DMD: variants seen among roughly 807,000 people sequenced by gnomAD.
DMD encodes dystrophin.
In DMD, 63 loss-of-function variants were observed where a neutral mutation model predicts 330.1. The ratio of observed to expected loss-of-function variants is 0.19; its 90% confidence interval spans 0.16 to 0.24. The LOEUF (loss-of-function observed/expected upper bound fraction) is 0.24, where lower values mean the gene tolerates loss of function less well. Ranked by LOEUF, DMD falls within the 10% of genes least tolerant of loss-of-function variation. The pLI, the probability that DMD is intolerant of heterozygous loss-of-function variation, is 1.00. For missense variants in DMD, 3,344 were observed against 2,684.1 expected, an observed-to-expected ratio of 1.25 and a Z score of -5.43; for synonymous variants, 1,223 against 959.8, an observed-to-expected ratio of 1.27 and a Z score of -5.07.
At position 31,159,330 on chromosome X, in the gene DMD, A is replaced by G. The variant is rs189896454; in HGVS notation, c.10553+10113T>C. Among the ~76,000 whole-genome samples the G allele has an allele frequency of 6.5e-4, 73 of 111,920 alleles. 1 individual carries two copies. The highest frequency in any genetic ancestry group is 4.8e-3 in the Admixed American group (51 of 10,560). On this transcript the variant is annotated intron_variant, in intron 74 of 78. Transcript: ENST00000357033. The stretch of plus-strand genomic sequence containing the variant: ...TATCGCCTTGATTTACCAGGAAATT[A>G]CAGGAAAAGAATCATATGGATTTAC...
intron 44 of DMD, among the ~76,000 whole-genome samples, chrX:32,023,629 C>A (rs2147168374): frequency 9.0e-6 from 1 of 111,515 alleles, no homozygotes; most frequent in African/African-American, 3.3e-5. Flanking sequence ...TTTGAATATA[C>A]CAAAAAGTAC....
chrX:32,645,140 G>C lies in DMD; in HGVS notation c.973C>G (p.Pro325Ala). 8.3e-7 allele frequency: 1 copy of C among 1,211,246 alleles called. No homozygotes were observed. Among genetic ancestry groups the C allele is most frequent in the Non-Finnish European group, 1.1e-6 (1 of 895,289 alleles). Reference protein sequence around the residue: ...SPFPSQHLEAPEDKSFGSSLM... With the variant: ...SPFPSQHLEAAEDKSFGSSLM... Reference sequence around the variant, plus strand: ...GAACTGCCAAATGACTTGTCTTCAGGAGCTTCCAAATGCTGCACAATAAAA... The same window carrying C: ...GAACTGCCAAATGACTTGTCTTCAGCAGCTTCCAAATGCTGCACAATAAAA... Residue 325 changes from proline to alanine, a missense_variant, in exon 10 of 79, where the codon CCT becomes GCT. Physicochemically the swap from Pro to Ala is conservative, Grantham distance 27. Transcript: ENST00000357033.
chrX:31,498,090 T>C lies in DMD; in HGVS notation c.8391-1146A>G, dbSNP rs759904741. ...AAATTGTTCCAAACTTTCTGAAGGA[T>C]AATTTGACAATACATAAAAGTCTTT... On this transcript the variant is annotated intron_variant, in intron 56 of 78. Transcript: ENST00000357033. 2.7e-5 allele frequency among the ~76,000 whole-genome samples: 3 copies of C among 112,160 alleles called. No homozygotes were observed. In the South Asian group the frequency reaches 1.1e-3, roughly 41 times the overall value.
chrX:31,221,455 G>A (rs773857661), intron 64 of DMD, among the ~76,000 whole-genome samples: 119 of 112,123 alleles, frequency 1.1e-3, no homozygotes, highest in African/African-American at 3.4e-3. Context: ...TGACTAGAAC[G>A]CTCTTCCTAG....
Position 32,578,581 on chromosome X carries a change from A to C in DMD, c.1603-4735T>G, listed in dbSNP as rs1320261219. On this transcript the variant is annotated intron_variant, in intron 13 of 78. Coordinates refer to ENST00000357033, the MANE Select transcript of DMD (RefSeq NM_004006.3). Reference sequence around the variant, plus strand: ...AATTCCTTTGTTTGGTTGAGTTGCTATTTCAATTCAAAAGTGAAAAATGGC... The same window carrying C: ...AATTCCTTTGTTTGGTTGAGTTGCTCTTTCAATTCAAAAGTGAAAAATGGC... Among the ~76,000 whole-genome samples the C allele has an allele frequency of 1.8e-5, 2 of 111,836 alleles. 1 individual carries two copies. The highest frequency in any genetic ancestry group is 1.9e-4 in the Admixed American group (2 of 10,476).
In DMD at chrX:32,983,843, A is replaced by G. The variant is rs550307091; in HGVS notation, c.93+36296T>C. On this transcript the variant is annotated intron_variant, in intron 2 of 78. Transcript: ENST00000357033. ...TGTTCTTATTGATTTTATTCACTATATAATTGAGAATCATCTTGCTCTGTG... is the reference window on the plus strand; with the variant it reads ...TGTTCTTATTGATTTTATTCACTATGTAATTGAGAATCATCTTGCTCTGTG... Among the ~76,000 whole-genome samples the G allele has an allele frequency of 1.2e-3, 129 of 111,095 alleles. No individual in the cohort carries two copies. In the South Asian group the frequency reaches 0.02, roughly 17 times the overall value.
At chrX:32,585,657 G>A (rs1162048431) in intron 13 of DMD, among the ~76,000 whole-genome samples, 2 of 82,489 alleles carry the variant, frequency 2.4e-5, no homozygotes, top group East Asian at 4.2e-4. Flanking sequence ...CCGAGATCGC[G>A]CCACTGCACT....
chrX:32,050,869 C>T (rs1201560423), intron 44 of DMD, among the ~76,000 whole-genome samples: 3 of 110,611 alleles, frequency 2.7e-5, no homozygotes, highest in African/African-American at 9.9e-5. Context: ...TGTAAAATAA[C>T]GTACCTATAG....
chrX:31,840,648 GTC>G (rs1426638001), intron 48 of DMD, among the ~76,000 whole-genome samples: 1 of 101,822 alleles, frequency 9.8e-6, no homozygotes, highest in Non-Finnish European at 2.0e-5. Flanking sequence ...CTTACTTCAT[GTC>G]TCTGTGTCAC....
At chrX:32,314,350 A>G (rs776602983) in intron 41 of DMD, among the ~76,000 whole-genome samples, 1 of 111,612 alleles carries the variant, frequency 9.0e-6, no homozygotes, top group African/African-American at 3.3e-5. Flanking sequence ...CCATATGCAG[A>G]AAACGGAAAC....
At chrX:32,872,277 T>A (rs1454149006) in intron 2 of DMD, among the ~76,000 whole-genome samples, 1 of 112,025 alleles carries the variant, frequency 8.9e-6, no homozygotes, top group Admixed American at 9.5e-5. Flanking sequence ...CCTGCTAAGC[T>A]GCAATGACTT....
At chrX:33,224,609 A>G (rs898481195) in intron 1 of DMD, among the ~76,000 whole-genome samples, 12 of 111,658 alleles carry the variant, frequency 1.1e-4, no homozygotes, top group African/African-American at 3.6e-4. Flanking sequence ...ATTTTAGGTC[A>G]GTGAAACTAC....
chrX:32,827,022 A>T (rs1409092386), intron 4 of DMD, among the ~76,000 whole-genome samples: 1 of 106,675 alleles, frequency 9.4e-6, no homozygotes, highest in East Asian at 3.0e-4. Context: ...GTATTTTACC[A>T]CAATAAAAAA....
intron 7 of DMD, among the ~76,000 whole-genome samples, chrX:32,785,673 TTTCTC>T (rs754546320): frequency 2.1e-3 from 231 of 111,893 alleles, no homozygotes; most frequent in Non-Finnish European, 3.2e-3. Flanking sequence ...AATTTAAAAA[TTTCTC>T]ATCTTATAGT....
At chrX:33,061,222 A>T (rs751396678) in intron 1 of DMD, among the ~76,000 whole-genome samples, 5 of 112,676 alleles carry the variant, frequency 4.4e-5, no homozygotes, top group African/African-American at 1.6e-4. Flanking sequence ...CCAAGAGAAA[A>T]AGAATGTTAA....
At chrX:31,235,844 G>T (rs193140247) in intron 63 of DMD, among the ~76,000 whole-genome samples, 1 of 112,090 alleles carries the variant, frequency 8.9e-6, no homozygotes, top group African/African-American at 3.2e-5. Flanking sequence ...AAAATAAATG[G>T]TCTAAAAAGA....
At position 33,030,276 on chromosome X, in the gene DMD, T is replaced by G. The variant is rs147232966; in HGVS notation, c.32-10076A>C. On this transcript the variant is annotated intron_variant, in intron 1 of 78. Coordinates refer to ENST00000357033, the MANE Select transcript of DMD (RefSeq NM_004006.3). ...GCTACGTGGCAGCCATGTTAATAAT[T>G]AGTAGGATTTTTATAGTATTTGTAA... Among the ~76,000 whole-genome samples the G allele has an allele frequency of 8.0e-3, 898 of 111,874 alleles. 10 individuals carry two copies. The highest frequency in any genetic ancestry group is 0.028 in the African/African-American group (859 of 30,814).
intron 65 of DMD, among the ~76,000 whole-genome samples, chrX:31,208,626 G>C (rs1238730420): frequency 9.0e-6 from 1 of 111,537 alleles, no homozygotes; most frequent in Non-Finnish European, 1.9e-5. Context: ...AAGAAAAAAA[G>C]GTATAAATTT....
At chrX:32,201,407 C>T (rs919237860) in intron 44 of DMD, among the ~76,000 whole-genome samples, 2 of 105,718 alleles carry the variant, frequency 1.9e-5, no homozygotes, top group Admixed American at 1.0e-4. Context: ...ATTATGACTA[C>T]ATCATTACCA....
Sources: gnomAD v4.1 joint callset for allele counts (sites outside exome capture counted in the v4.1 genomes callset) on GRCh38, gnomAD v4.1.1 for gene constraint, MANE v1.5 for transcripts, NCBI Gene and HGNC (gene_info 2026-07-23, HGNC 2026-07-21) for gene names.